PRIM2: variants seen among roughly 807,000 people sequenced by gnomAD.
PRIM2 encodes DNA primase subunit 2.
In PRIM2, 39 loss-of-function variants were observed where a neutral mutation model predicts 67.3. The ratio of observed to expected loss-of-function variants is 0.58; its 90% confidence interval spans 0.45 to 0.76. The LOEUF (loss-of-function observed/expected upper bound fraction) is 0.76. Ranked by LOEUF, PRIM2 falls within the 30% of genes least tolerant of loss-of-function variation. The pLI is 0.00. For synonymous variants in PRIM2, 143 were observed against 198.7 expected (o/e 0.72, Z 2.36); for missense variants, 398 against 598.7 (o/e 0.66, Z 3.50).
At chr6:57,423,669 C>T (rs1771531980) in intron 7 of PRIM2, among the ~76,000 whole-genome samples, 1 of 152,154 alleles carries the variant, frequency 6.6e-6, no homozygotes, top group Admixed American at 6.5e-5. Flanking sequence ...GGTGAAGTAG[C>T]CAATTAAACT....
intron 10 of PRIM2, among the ~76,000 whole-genome samples, chr6:57,542,552 A>C (rs1361892169): frequency 1.3e-5 from 2 of 152,010 alleles, no homozygotes; most frequent in Non-Finnish European, 2.9e-5. Context: ...TTATTATGGA[A>C]TTTTTATTTT....
At chr6:57,445,341 A>G (rs1222366923) in intron 7 of PRIM2, among the ~76,000 whole-genome samples, 2 of 152,162 alleles carry the variant, frequency 1.3e-5, no homozygotes, top group African/African-American at 4.8e-5. Context: ...TAACAAAATC[A>G]TGGGTTCCTA....
At chr6:57,375,014 A>G (rs1769710199) in intron 5 of PRIM2, among the ~76,000 whole-genome samples, 1 of 152,272 alleles carries the variant, frequency 6.6e-6, no homozygotes, top group Non-Finnish European at 1.5e-5. Context: ...ATCTGTAAAC[A>G]AAGATAGTTT....
the PRIM2 span, among the ~76,000 whole-genome samples, chr6:57,235,336 T>C: frequency 2.0e-5 from 3 of 152,026 alleles, no homozygotes; most frequent in Admixed American, 6.6e-5. Flanking sequence ...TGCTGGCACA[T>C]GCCTGTAATT....
the PRIM2 span, among the ~76,000 whole-genome samples, chr6:57,263,303 A>G: frequency 6.6e-6 from 1 of 152,298 alleles, no homozygotes; most frequent in Middle Eastern, 3.4e-3. Context: ...ATTCTCTCAC[A>G]GTTCTGGAGG....
chr6:57,478,627 C>T lies in PRIM2; in HGVS notation c.694-28760C>T, dbSNP rs1773537882. ...TACCTTCTTCTTAGTTGGAAATTTG[C>T]AAGTGATTTTAGGTTGGCCTGTGCA... On this transcript the variant is annotated intron_variant, in intron 7 of 13. Coordinates refer to ENST00000615550, the MANE Select transcript of PRIM2 (RefSeq NM_000947.5). Among the ~76,000 whole-genome samples the T allele has an allele frequency of 5.9e-5, 9 of 152,224 alleles. No individual in the cohort carries two copies. In the South Asian group the frequency reaches 1.9e-3, roughly 32 times the overall value.
chr6:57,243,632 A>C, the PRIM2 span, among the ~76,000 whole-genome samples: 2 of 149,996 alleles, frequency 1.3e-5, no homozygotes, highest in Non-Finnish European at 3.0e-5. Context: ...CTACGCCCCG[A>C]CTCTTTTTTT....
chr6:57,489,927 G>GTTTT (rs1157953922), intron 7 of PRIM2, among the ~76,000 whole-genome samples: 3 of 127,650 alleles, frequency 2.4e-5, no homozygotes, highest in South Asian at 2.6e-4. Flanking sequence ...TGTTTTAAGT[G>GTTTT]TTTTTTTTTT....
intron 11 of PRIM2, among the ~76,000 whole-genome samples, chr6:57,604,390 G>A (rs1362542602): frequency 6.6e-6 from 1 of 152,132 alleles, no homozygotes; most frequent in African/African-American, 2.4e-5. Context: ...GGTTTTCTAG[G>A]TATAGAATCA....
rs1263944279 is a variant in PRIM2, at chr6:57,627,239, C to T, written c.1231-4894C>T. ...AGGTTGTAGTGAGCCGAGATTGCGC[C>T]GCTGCCCTCCAGCCTGGGTGACAGA... On this transcript the variant is annotated intron_variant, in intron 12 of 13. Coordinates refer to ENST00000615550, the MANE Select transcript of PRIM2 (RefSeq NM_000947.5). Among the ~76,000 whole-genome samples the T allele has an allele frequency of 1.3e-3, 154 of 122,054 alleles. 2 individuals are homozygous for T. In the East Asian group the frequency reaches 0.016, roughly 13 times the overall value. 80.1% of individuals were successfully genotyped at this position (122,054 alleles called of 152,430 possible). A position where few individuals can be genotyped will look rare whatever the true frequency, so the allele number is the denominator to read the frequency against.
the PRIM2 span, among the ~76,000 whole-genome samples, chr6:57,264,754 G>C: frequency 2.0e-5 from 3 of 152,110 alleles, no homozygotes; most frequent in Admixed American, 6.5e-5. Flanking sequence ...GCCCCACCAA[G>C]CCCAGTTAAT....
At chr6:57,235,685 A>G in the PRIM2 span, among the ~76,000 whole-genome samples, 1 of 152,162 alleles carries the variant, frequency 6.6e-6, no homozygotes, top group Non-Finnish European at 1.5e-5. Context: ...GATGTGGTTA[A>G]GAATTGTGAG....
chr6:57,646,510 C>CTTTT lies in PRIM2; in HGVS notation c.*363_*366dup. ...ACGGTTGTGAGCCACTGTGCCTGGC[C>CTTTT]TTTTTTTTTTTTTTAACCTTTTTGT... On this transcript the variant is annotated 3_prime_UTR_variant, in exon 14 of 14. Transcript: ENST00000615550. 1 of 161,246 alleles carries CTTTT rather than the reference C, an allele frequency of 6.2e-6. No individual in the cohort carries two copies. Among genetic ancestry groups the CTTTT allele is most frequent in the Non-Finnish European group, 1.3e-5 (1 of 77,388 alleles). 10.0% of individuals were successfully genotyped at this position (161,246 alleles called of 1,614,324 possible).
intron 7 of PRIM2, among the ~76,000 whole-genome samples, chr6:57,498,401 A>G (rs1774053203): frequency 6.6e-6 from 1 of 152,146 alleles, no homozygotes; most frequent in African/African-American, 2.4e-5. Context: ...TTTATTTTCC[A>G]TTAAAATAAA....
At chr6:57,228,374 G>C in the PRIM2 span, among the ~76,000 whole-genome samples, 1 of 152,204 alleles carries the variant, frequency 6.6e-6, no homozygotes, top group African/African-American at 2.4e-5. Context: ...TTGAGATGCA[G>C]CTTCTCAGAT....
In PRIM2 at chr6:57,467,117, AAAAG is replaced by A. The variant is rs1316888735; in HGVS notation, c.694-40266_694-40263del. Among the ~76,000 whole-genome samples, 4 of 149,824 alleles carry A rather than the reference AAAAG, an allele frequency of 2.7e-5. 1 individual carries two copies. Among genetic ancestry groups the A allele is most frequent in the African/African-American group, 4.9e-5 (2 of 40,724 alleles). ...TGAAACTCCATCTCAAAAAAAAAAAAAAAGAAAAGAAAAAAAGATCCCATTTGTT... is the reference window on the plus strand; with the variant it reads ...TGAAACTCCATCTCAAAAAAAAAAAAAAAAGAAAAAAAGATCCCATTTGTT... On this transcript the variant is annotated intron_variant, in intron 7 of 13. Transcript: ENST00000615550.
At chr6:57,561,829 C>G (rs1161738001) in intron 10 of PRIM2, among the ~76,000 whole-genome samples, 2 of 152,184 alleles carry the variant, frequency 1.3e-5, no homozygotes, top group African/African-American at 4.8e-5. Flanking sequence ...TCTCACTTAA[C>G]TTTCTCAAAG....
chr6:57,450,127 G>T lies in PRIM2; in HGVS notation c.694-57260G>T, dbSNP rs1183475988. Among the ~76,000 whole-genome samples, 62 of 152,140 alleles carry T rather than the reference G, an allele frequency of 4.1e-4. 1 individual carries two copies. The highest frequency in any genetic ancestry group is 1.1e-3 in the African/African-American group (45 of 41,500). On this transcript the variant is annotated intron_variant, in intron 7 of 13. Coordinates refer to ENST00000615550, the MANE Select transcript of PRIM2 (RefSeq NM_000947.5). ...TACTTTATTATCTGTCATCCCAGGT[G>T]AATTAAATACCAAAACAAGATTTAA...
chr6:57,243,283 G>A, the PRIM2 span, among the ~76,000 whole-genome samples: 1 of 152,194 alleles, frequency 6.6e-6, no homozygotes, highest in African/African-American at 2.4e-5. Flanking sequence ...GTGTTTGTGT[G>A]CTACTGATGG....
Sources: gnomAD v4.1 joint callset for allele counts (sites outside exome capture counted in the v4.1 genomes callset) on GRCh38, gnomAD v4.1.1 for gene constraint, MANE v1.5 for transcripts, NCBI Gene and HGNC (gene_info 2026-07-23, HGNC 2026-07-21) for gene names.